ZFHX2: variants seen among roughly 807,000 people sequenced by gnomAD.
ZFHX2 encodes the protein zinc finger homeobox protein 2.
A neutral mutation model predicts 164.8 loss-of-function variants in ZFHX2; 75 were observed. That is an observed-to-expected ratio of 0.46 (90% confidence interval 0.38 to 0.55). The LOEUF (loss-of-function observed/expected upper bound fraction) is 0.55, where lower values mean the gene tolerates loss of function less well. ZFHX2 is among the 20% of genes least tolerant of loss of function. The pLI is 0.00. For synonymous variants in ZFHX2, 1,217 were observed against 1,351.4 expected (o/e 0.90, Z 2.18); for missense variants, 2,933 against 3,308.0 (o/e 0.89, Z 2.78).
intron 4 of ZFHX2, chr14:23,531,139 T>G: frequency 1.0e-5 from 2 of 193,276 alleles, no homozygotes; most frequent in Non-Finnish European, 2.1e-5. Flanking sequence ...ACAAAACAGG[T>G]TCTCTCTCCT....
Position 23,529,062 on chromosome 14 carries a change from C to T in ZFHX2, c.2934+648G>A, listed in dbSNP as rs76168361. On this transcript the variant is annotated intron_variant, in intron 6 of 9. Transcript: ENST00000419474. ...AGCTTGCAGTAATGCAGTAACACTG[C>T]GTATTGCAATAACAATAAATGTTAC... 2.1e-3 allele frequency among the ~76,000 whole-genome samples: 322 copies of T among 152,350 alleles called. 2 individuals carry two copies. Among genetic ancestry groups the T allele is most frequent in the East Asian group, 0.018 (94 of 5,186 alleles).
chr14:23,551,043 G>C lies in ZFHX2; in HGVS notation c.-50+300C>G, dbSNP rs542865441. Among the ~76,000 whole-genome samples, 1 of 152,074 alleles carries C rather than the reference G, an allele frequency of 6.6e-6. No homozygotes were observed. Among genetic ancestry groups the C allele is most frequent in the South Asian group, 2.1e-4 (1 of 4,812 alleles). ...TTCCATACCCTTCGTCTGTCCGGCG[G>C]GCCTCTGCCTTTCCCGTTCCCGTTT... is the stretch of plus-strand genomic sequence containing the variant. On this transcript the variant is annotated intron_variant, in intron 1 of 9. Coordinates refer to ENST00000419474, the MANE Select transcript of ZFHX2 (RefSeq NM_033400.3). This position sits in a 1 kb window ranked among gnomAD's most constrained non-coding sequence, Gnocchi z 5.3.
At chr14:23,527,471 C>T in intron 7 of ZFHX2, 133 bp downstream of exon 7, 1 of 1,203,564 alleles carries the variant, frequency 8.3e-7, no homozygotes, top group Non-Finnish European at 1.2e-6. Context: ...CCTCACCCAG[C>T]CAACACACGC....
At position 23,534,768 on chromosome 14, in the gene ZFHX2, T is replaced by C; in HGVS notation, c.558A>G (p.Gln186=). Residue 186 remains glutamine (Q), a synonymous_variant, in exon 2 of 10, where the codon CAA becomes CAG. Transcript: ENST00000419474. The surrounding 1 kb of genome is among the most constrained non-coding windows in gnomAD (Gnocchi z 4.5). ...GTGCTGAGGTATCATGGGACAGAAT[T>C]TGGTCAGAAGAGCTAAAGCCTTGGA... is the stretch of plus-strand genomic sequence containing the variant. ...DPIQGFSSSD[Q]ILSHDTSAPS... The C allele has an allele frequency of 6.5e-7, 1 of 1,536,064 alleles. No individual in the cohort carries two copies. Among genetic ancestry groups the C allele is most frequent in the Admixed American group, 2.0e-5 (1 of 51,000 alleles).
chr14:23,521,920 G>A lies in ZFHX2; in HGVS notation c.*42C>T. The A allele has an allele frequency of 6.5e-7, 1 of 1,533,538 alleles. No individual in the cohort carries two copies. The highest frequency in any genetic ancestry group is 1.4e-5 in the African/African-American group (1 of 73,080). 95.0% of individuals were successfully genotyped at this position (1,533,538 alleles called of 1,614,324 possible). ...CGAACACCCCTTGGGGTAAAAGAGG[G>A]AGCCCTGAGGCCCTCCCCTCTCCCC... On this transcript the variant is annotated 3_prime_UTR_variant, in exon 10 of 10. Transcript: ENST00000419474.
intron 1 of ZFHX2, among the ~76,000 whole-genome samples, chr14:23,542,578 C>T (rs1315570108): frequency 6.6e-6 from 1 of 152,106 alleles, no homozygotes; most frequent in Admixed American, 6.6e-5. Context: ...GTGGTTCTCT[C>T]GTTCTACATA....
chr14:23,539,311 G>A (rs1189280721), intron 1 of ZFHX2, among the ~76,000 whole-genome samples: 1 of 152,188 alleles, frequency 6.6e-6, no homozygotes, highest in Non-Finnish European at 1.5e-5. Context: ...GGCTCAGCCA[G>A]GGAGTTAATG....
chr14:23,543,823 A>G (rs1881082445), intron 1 of ZFHX2: 1 of 152,248 alleles, frequency 6.6e-6, no homozygotes, highest in Non-Finnish European at 1.5e-5. Flanking sequence ...TCTCCCTCCA[A>G]CAGAGGGAGA....
intron 1 of ZFHX2, among the ~76,000 whole-genome samples, chr14:23,540,420 C>G (rs1869887120): frequency 6.6e-6 from 1 of 152,214 alleles, no homozygotes; most frequent in Non-Finnish European, 1.5e-5. Flanking sequence ...CCCTTCCATA[C>G]TCACTGTCCT....
chr14:23,534,054 G>C lies in ZFHX2; in HGVS notation c.1272C>G (p.Asp424Glu), dbSNP rs535160904. ...DPPQPYRLAD[D>E]YTPAPAAFQG... ...GGAAGGCTGCAGGGGCTGGGGTGTA[G>C]TCATCAGCTAGGCGATAGGGCTGGG... Residue 424 changes from aspartate to glutamate, a missense_variant, in exon 2 of 10, where the codon GAC becomes GAG. Physicochemically the swap from Asp to Glu is conservative, Grantham distance 45. Transcript: ENST00000419474. This position sits in a 1 kb window ranked among gnomAD's most constrained non-coding sequence, Gnocchi z 4.5. 4.0e-5 allele frequency: 61 copies of C among 1,532,270 alleles called. No individual in the cohort carries two copies. The African/African-American group carries it at 7.5e-4, about 19-fold the overall frequency. The allele number at this position is 1,532,270 out of a possible 1,614,324, so 94.9% of individuals were successfully genotyped here. A position where few individuals can be genotyped will look rare whatever the true frequency, so the allele number is the denominator to read the frequency against.
chr14:23,543,318 A>T (rs2138873942), intron 1 of ZFHX2: 1 of 152,298 alleles, frequency 6.6e-6, no homozygotes, highest in East Asian at 1.9e-4. Flanking sequence ...AATTTTTAAG[A>T]TCTCCTGCTT....
intron 6 of ZFHX2, 59 bp downstream of exon 6, chr14:23,529,651 G>T: frequency 7.0e-7 from 1 of 1,428,470 alleles, no homozygotes; most frequent in Non-Finnish European, 9.5e-7. Context: ...TAGAATATGA[G>T]CAGATCTCAG....
upstream of ZFHX2, among the ~76,000 whole-genome samples, chr14:23,554,148 C>T (rs1882173882): frequency 6.6e-6 from 1 of 152,002 alleles, no homozygotes; most frequent in Non-Finnish European, 1.5e-5. Flanking sequence ...AGGTCTGGCT[C>T]CGGAAACTGG....
chr14:23,542,618 C>T (rs1214880449), intron 1 of ZFHX2, among the ~76,000 whole-genome samples: 1 of 152,148 alleles, frequency 6.6e-6, no homozygotes, highest in African/African-American at 2.4e-5. Context: ...CGAACCAGCT[C>T]GGAACCCTTC....
At chr14:23,536,341 C>G (rs550639462) in intron 1 of ZFHX2, among the ~76,000 whole-genome samples, 1 of 152,180 alleles carries the variant, frequency 6.6e-6, no homozygotes, top group Non-Finnish European at 1.5e-5. Context: ...CATACCCTGA[C>G]GAGGTAAATT....
At chr14:23,526,803 C>T (rs1458411146) in intron 8 of ZFHX2, 44 bp downstream of exon 8, 1 of 1,523,268 alleles carries the variant, frequency 6.6e-7, no homozygotes, top group Non-Finnish European at 8.8e-7. Flanking sequence ...CCCATGGAGT[C>T]CCCTTTCCTG....
chr14:23,524,525 T>C lies in ZFHX2; in HGVS notation c.5417A>G (p.Asp1806Gly). ...LQPSAPPQLL[D>G]LPLLVFGERN... ...CTCCCCAAACACCAGCAAGGGCAGA[T>C]CTAGGAGTTGGGGGGGAGCACTGGG... Residue 1806 changes from aspartate (D) to glycine (G), a missense_variant, in exon 9 of 10, where the codon GAT becomes GGT. By Grantham distance (94) the Asp-to-Gly change is moderately conservative. Coordinates refer to ENST00000419474, the MANE Select transcript of ZFHX2 (RefSeq NM_033400.3). The surrounding 1 kb of genome is among the most constrained non-coding windows in gnomAD (Gnocchi z 5.6). The C allele has an allele frequency of 6.5e-7, 1 of 1,526,722 alleles. No individual in the cohort carries two copies. The highest frequency in any genetic ancestry group is 8.8e-7 in the Non-Finnish European group (1 of 1,141,772). The allele number at this position is 1,526,722 out of a possible 1,614,324, so 94.6% of individuals were successfully genotyped here. A position where few individuals can be genotyped will look rare whatever the true frequency, so the allele number is the denominator to read the frequency against.
rs886416683 is a variant in ZFHX2, at chr14:23,533,582, G to A, written c.1744C>T (p.Arg582Cys). The change falls in exon 2 of 10, where the codon CGT (arginine) becomes TGT (cysteine). Residue 582 changes from arginine to cysteine, a missense_variant. By Grantham distance (180) the Arg-to-Cys change is radical. Transcript: ENST00000419474. The surrounding 1 kb of genome is among the most constrained non-coding windows in gnomAD (Gnocchi z 4.8). ...GAGGTCATATGGATGCGCAGGTTAC[G>A]GGAGATGTTTGTCTCGTAGCTGCAC... The part of the protein sequence containing the change: ...KVCSYETNIS[R>C]NLRIHMTSEK... 1.5e-5 allele frequency: 23 copies of A among 1,536,500 alleles called. No homozygotes were observed. In the African/African-American group the frequency reaches 1.5e-4, roughly 10 times the overall value.
At chr14:23,541,868 A>C (rs1431896872) in intron 1 of ZFHX2, among the ~76,000 whole-genome samples, 1 of 152,234 alleles carries the variant, frequency 6.6e-6, no homozygotes, top group Non-Finnish European at 1.5e-5. Flanking sequence ...GAAAACAAAC[A>C]GTACTTTGAT....
Sources: allele counts gnomAD v4.1 joint callset (sites outside exome capture counted in the v4.1 genomes callset), GRCh38; gene constraint gnomAD v4.1.1; non-coding constraint Gnocchi (gnomAD v3.1); transcripts MANE v1.5; gene names NCBI Gene and HGNC (gene_info 2026-07-23, HGNC 2026-07-21).